FBN2: variants seen among roughly 807,000 people sequenced by gnomAD.
FBN2 encodes fibrillin-2.
A neutral mutation model predicts 355.6 loss-of-function variants in FBN2; 105 were observed. The ratio of observed to expected loss-of-function variants is 0.30; its 90% CI spans 0.25 to 0.35. The LOEUF (loss-of-function observed/expected upper bound fraction) is 0.35, where lower values mean the gene tolerates loss of function less well. Ranked by LOEUF, FBN2 falls within the 10% of genes least tolerant of loss-of-function variation. The probability of loss-of-function intolerance (pLI) is 1.00; values close to 1 mark genes in which losing one functional copy is unlikely to be tolerated. For synonymous variants in FBN2, 1,350 were observed against 1,301.2 expected (o/e 1.04, Z -0.81); for missense variants, 3,280 against 3,758.7 (o/e 0.87, Z 3.33).
chr5:128,355,293 A>C (rs966174318), intron 20 of FBN2, among the ~76,000 whole-genome samples: 1 of 152,172 alleles, frequency 6.6e-6, no homozygotes, highest in African/African-American at 2.4e-5. Flanking sequence ...GCCAAAGATG[A>C]GGGAAACTGG....
chr5:128,324,251 A>C (rs995631543), intron 34 of FBN2, among the ~76,000 whole-genome samples: 1 of 152,050 alleles, frequency 6.6e-6, no homozygotes, highest in Admixed American at 6.6e-5. Flanking sequence ...TCCTGGATTC[A>C]TTGATTTTCT....
At chr5:128,404,516 C>A (rs562149939) in intron 8 of FBN2, among the ~76,000 whole-genome samples, 1 of 152,212 alleles carries the variant, frequency 6.6e-6, no homozygotes. Flanking sequence ...TTCAGTGGCA[C>A]GACATCATGT....
At chr5:128,284,858 G>A (rs1466954226) in intron 55 of FBN2, among the ~76,000 whole-genome samples, 1 of 152,166 alleles carries the variant, frequency 6.6e-6, no homozygotes, top group Admixed American at 6.5e-5. Flanking sequence ...TCACACTGCA[G>A]TGTAGAAATG....
At chr5:128,502,789 T>A (rs1028410668) in intron 5 of FBN2, among the ~76,000 whole-genome samples, 1 of 152,078 alleles carries the variant, frequency 6.6e-6, no homozygotes, top group Admixed American at 6.6e-5. Context: ...TTTAAAAAAT[T>A]TTGCACTAAT....
At chr5:128,326,426 T>G (rs1463764867) in intron 34 of FBN2, among the ~76,000 whole-genome samples, 4 of 152,204 alleles carry the variant, frequency 2.6e-5, no homozygotes, top group African/African-American at 9.6e-5. Context: ...TCCTCTCTCA[T>G]GTTCCTGCAG....
chr5:128,349,969 C>T lies in FBN2; in HGVS notation c.2849G>A (p.Gly950Asp). The T allele has an allele frequency of 6.2e-7, 1 of 1,613,766 alleles. No individual in the cohort carries two copies. The highest frequency in any genetic ancestry group is 8.5e-7 in the Non-Finnish European group (1 of 1,179,624). The change falls in exon 22 of 65, where the codon GGT becomes GAT. Residue 950 changes from glycine (G) to aspartate (D), a missense_variant. Physicochemically the swap from Gly to Asp is moderately conservative, Grantham distance 94. Transcript: ENST00000262464. ...GATACACTCACCTTCACACGTAACA[C>T]CTTTAATCCTGGCAAGCCCTCTTGG... ...ACPRGLARIK[G>D]VTCEDVNECE...
In FBN2 at chr5:128,446,885, C is replaced by T. The variant is rs150728994; in HGVS notation, c.827-279G>A. ...AGTCAGGGACCCCGAACGGAGGGAC[C>T]GGCTGAAGCCATGGCAGAAGCATGG... On this transcript the variant is annotated intron_variant, in intron 6 of 64. Coordinates refer to ENST00000262464, the MANE Select transcript of FBN2 (RefSeq NM_001999.4). 8.4e-3 allele frequency among the ~76,000 whole-genome samples: 1,285 copies of T among 152,194 alleles called. 19 individuals are homozygous for T. The highest frequency in any genetic ancestry group is 0.029 in the African/African-American group (1,212 of 41,506).
intron 5 of FBN2, among the ~76,000 whole-genome samples, chr5:128,491,786 T>C (rs771744353): frequency 2.6e-5 from 4 of 152,178 alleles, no homozygotes; most frequent in African/African-American, 7.2e-5. Flanking sequence ...TGGCCAATCT[T>C]TGGATCATGG....
At position 128,277,556 on chromosome 5, in the gene FBN2, G is replaced by A. The variant is rs115903852; in HGVS notation, c.7471+324C>T. Among the ~76,000 whole-genome samples, 1,986 of 152,192 alleles carry A rather than the reference G, an allele frequency of 0.013. 48 individuals are homozygous for A. The highest frequency in any genetic ancestry group is 0.046 in the African/African-American group (1,892 of 41,500). On this transcript the variant is annotated intron_variant, in intron 58 of 64. Coordinates refer to ENST00000262464, the MANE Select transcript of FBN2 (RefSeq NM_001999.4). ...ATTTTAAATTAAAATATAAAATGTT[G>A]AAAGTATGTATTTGTGATTTTTGTT... is the stretch of plus-strand genomic sequence containing the variant.
chr5:128,437,921 T>C (rs1015895294), intron 7 of FBN2, among the ~76,000 whole-genome samples: 3 of 152,254 alleles, frequency 2.0e-5, no homozygotes, highest in African/African-American at 7.2e-5. Flanking sequence ...GTTTTGAAAG[T>C]CTTAATTTCA....
chr5:128,347,972 A>AAG (rs556653863), intron 23 of FBN2, among the ~76,000 whole-genome samples: 1 of 151,006 alleles, frequency 6.6e-6, no homozygotes, highest in Admixed American at 6.6e-5. Context: ...AGAGACGGGG[A>AAG]GGGGGGGGTT....
chr5:128,497,450 C>T (rs1755685491), intron 5 of FBN2, among the ~76,000 whole-genome samples: 1 of 152,176 alleles, frequency 6.6e-6, no homozygotes, highest in Non-Finnish European at 1.5e-5. Flanking sequence ...CCACTTCAAA[C>T]TTGTACAAAG....
rs995323393 is a variant in FBN2, at chr5:128,301,421, C to T, written c.6007G>A (p.Glu2003Lys). The T allele has an allele frequency of 6.8e-6, 11 of 1,613,174 alleles. No homozygotes were observed. In the African/African-American group the frequency reaches 8.0e-5, roughly 12 times the overall value. ...EIGSFKCLCN[E>K]GYELTPDGKN... is the part of the protein sequence containing the mutation. ...CCATCTGGGGTAAGTTCATAACCTT[C>T]GTTACATAGACACTTGAAAGAACCA... The change falls in exon 47 of 65, where the codon GAA becomes AAA. Residue 2003 changes from glutamate to lysine, a missense_variant. Coordinates refer to ENST00000262464, the MANE Select transcript of FBN2 (RefSeq NM_001999.4).
rs1275371083 is a variant in FBN2, at chr5:128,273,883, G to A, written c.7797C>T (p.Cys2599=). The part of the protein sequence containing the change: ...QNTPGSFSCE[C]QRGFSLDATG... Reference sequence around the variant, plus strand: ...TGGCATCAAGAGAGAACCCTCTTTGGCATTCACAGCTGAAACTGCCTGGAG... The same window carrying A: ...TGGCATCAAGAGAGAACCCTCTTTGACATTCACAGCTGAAACTGCCTGGAG... Residue 2599 remains cysteine, a synonymous_variant, in exon 61 of 65, where the codon TGC becomes TGT. Coordinates refer to ENST00000262464, the MANE Select transcript of FBN2 (RefSeq NM_001999.4). 1 of 1,613,674 alleles carries A rather than the reference G, an allele frequency of 6.2e-7. No individual in the cohort carries two copies.
chr5:128,446,263 A>G lies in FBN2; in HGVS notation c.952+218T>C, dbSNP rs1754060541. 6.5e-6 allele frequency: 3 copies of G among 458,780 alleles called. No individual in the cohort carries two copies. The East Asian group carries it at 1.3e-4, about 19-fold the overall frequency. The allele number at this position is 458,780 out of a possible 1,614,324, so 28.4% of individuals were successfully genotyped here. A position where few individuals can be genotyped will look rare whatever the true frequency, so the allele number is the denominator to read the frequency against. On this transcript the variant is annotated intron_variant, in intron 7 of 64. Transcript: ENST00000262464. Reference sequence around the variant, plus strand: ...CCATTCTCAATGCAACACAACTGAGATAACAAACTAGATGCAAATGCTCAT... The same window carrying G: ...CCATTCTCAATGCAACACAACTGAGGTAACAAACTAGATGCAAATGCTCAT...
At chr5:128,457,666 A>G (rs1270589278) in intron 6 of FBN2, among the ~76,000 whole-genome samples, 1 of 151,620 alleles carries the variant, frequency 6.6e-6, no homozygotes, top group Non-Finnish European at 1.5e-5. Flanking sequence ...CTTCAAGAAA[A>G]GAATTCTCAA....
At chr5:128,459,276 CA>C (rs1754493683) in intron 6 of FBN2, among the ~76,000 whole-genome samples, 1 of 152,064 alleles carries the variant, frequency 6.6e-6, no homozygotes, top group Admixed American at 6.5e-5. Context: ...CTAAATAGAC[CA>C]CTAACAAGCT....
At position 128,392,050 on chromosome 5, in the gene FBN2, C is replaced by G; in HGVS notation, c.1571G>C (p.Gly524Ala). The change falls in exon 11 of 65, where the codon GGT becomes GCT. Residue 524 changes from glycine to alanine, a missense_variant. This residue lies in a region of FBN2 where 2,284 missense variants were observed against 2,749.5 expected (regional missense o/e 0.83). Transcript: ENST00000262464. ...ATCTCCATTTGCATCCTGCTTATAA[C>G]CCATGTTGCATTCACATCGGTAGCT... ...VSSYRCECNM[G>A]YKQDANGDCI... 6.2e-7 allele frequency: 1 copy of G among 1,613,804 alleles called. No homozygotes were observed. Among genetic ancestry groups the G allele is most frequent in the South Asian group, 1.1e-5 (1 of 91,078 alleles).
chr5:128,351,037 T>C, intron 20 of FBN2, 32 bp from the exon 21 acceptor site: 1 of 1,613,658 alleles, frequency 6.2e-7, no homozygotes, highest in Non-Finnish European at 8.5e-7. Context: ...TGGGGAGCTC[T>C]TACCTCTGAA....
Sources: allele counts gnomAD v4.1 joint callset (sites outside exome capture counted in the v4.1 genomes callset), GRCh38; gene constraint gnomAD v4.1.1; regional missense constraint gnomAD v4.1.1; transcripts MANE v1.5; gene names NCBI Gene and HGNC (gene_info 2026-07-23, HGNC 2026-07-21).